Variants in NAALADL2 observed in about 807,000 individuals in gnomAD.
NAALADL2 encodes inactive N-acetylated-alpha-linked acidic dipeptidase-like protein 2.
In NAALADL2, 76 loss-of-function variants were observed where a neutral mutation model predicts 87.2. That is an observed-to-expected ratio of 0.87 (90% CI 0.72 to 1.05). The LOEUF is 1.05. Ranked by LOEUF, NAALADL2 falls within the 50% of genes least tolerant of loss-of-function variation. The pLI is 0.00. For synonymous variants in NAALADL2, 354 were observed against 331.0 expected (o/e 1.07, Z -0.75); for missense variants, 1,089 against 945.8 (o/e 1.15, Z -1.99).
chr3:175,703,099 T>C (rs1739205551), intron 11 of NAALADL2, among the ~76,000 whole-genome samples: 1 of 152,138 alleles, frequency 6.6e-6, no homozygotes, highest in Non-Finnish European at 1.5e-5. Context: ...AACATTCCAC[T>C]GGAGATCTCA....
intron 1 of NAALADL2, among the ~76,000 whole-genome samples, chr3:174,977,442 T>C (rs1579824926): frequency 6.6e-6 from 1 of 152,214 alleles, no homozygotes; most frequent in African/African-American, 2.4e-5. Context: ...GTAACCTTTT[T>C]AAAGTGACTT....
At chr3:175,150,611 A>G (rs1381247319) in intron 2 of NAALADL2, among the ~76,000 whole-genome samples, 1 of 152,154 alleles carries the variant, frequency 6.6e-6, no homozygotes, top group African/African-American at 2.4e-5. Flanking sequence ...AGCCTGCCTT[A>G]ATTTGCATTC....
intron 2 of NAALADL2, among the ~76,000 whole-genome samples, chr3:174,552,204 T>G (rs553798784): frequency 2.6e-5 from 4 of 152,278 alleles, no homozygotes; most frequent in Admixed American, 1.3e-4. Context: ...ATATAACGTA[T>G]ATAATCTTTC....
At chr3:175,459,283 G>A (rs1361453007) in intron 6 of NAALADL2, among the ~76,000 whole-genome samples, 3 of 151,942 alleles carry the variant, frequency 2.0e-5, no homozygotes, top group African/African-American at 7.3e-5. Flanking sequence ...GAAATAATAG[G>A]TATGGAAAAT....
chr3:174,628,757 A>C (rs1003380187), intron 2 of NAALADL2, among the ~76,000 whole-genome samples: 1 of 152,150 alleles, frequency 6.6e-6, no homozygotes, highest in Non-Finnish European at 1.5e-5. Flanking sequence ...ACAACTGTTA[A>C]TACTCGTATC....
At chr3:175,102,421 G>A (rs181134170) in intron 2 of NAALADL2, among the ~76,000 whole-genome samples, 23 of 152,222 alleles carry the variant, frequency 1.5e-4, no homozygotes, top group Admixed American at 5.9e-4. Context: ...AATTGACCAC[G>A]TGCATTTCAT....
intron 1 of NAALADL2, chr3:175,059,340 T>A (rs1389436941): frequency 6.6e-6 from 1 of 152,186 alleles, no homozygotes; most frequent in Non-Finnish European, 1.5e-5. Context: ...TTAAGTGCAA[T>A]GATCTGGGGT....
At chr3:174,882,873 G>T (rs553263846) in intron 1 of NAALADL2, among the ~76,000 whole-genome samples, 159 of 145,816 alleles carry the variant, frequency 1.1e-3, no homozygotes, top group African/African-American at 1.3e-3. Context: ...ATGTGTATAT[G>T]TGTATATGTG....
At chr3:175,736,653 A>T (rs2150080094) in intron 11 of NAALADL2, among the ~76,000 whole-genome samples, 1 of 152,256 alleles carries the variant, frequency 6.6e-6, no homozygotes, top group East Asian at 1.9e-4. Context: ...AATTGGCAAA[A>T]CTTCCTGATT....
intron 12 of NAALADL2, among the ~76,000 whole-genome samples, chr3:175,745,326 G>A (rs1230394103): frequency 6.6e-6 from 1 of 152,162 alleles, no homozygotes; most frequent in Admixed American, 6.5e-5. Flanking sequence ...TGTAAATAGT[G>A]ATGGATAAGA....
At chr3:175,268,533 ATAAAT>A (rs1423870676) in intron 4 of NAALADL2, among the ~76,000 whole-genome samples, 2 of 152,228 alleles carry the variant, frequency 1.3e-5, no homozygotes, top group East Asian at 1.9e-4. Flanking sequence ...CTTTTTAATA[ATAAAT>A]TAATCTTATG....
rs544087525 is a variant in NAALADL2 at position 174,608,299 on chromosome 3, T to C, written c.-115+57662T>C. On this transcript the variant is annotated intron_variant, in intron 2 of 3. Coordinates refer to the NAALADL2 transcript ENST00000434257. ...AAAGCATTCAGAAGCTAGCAGAAGG[T>C]AAGAAATAACTAAAATCAGAGCAGA... Among the ~76,000 whole-genome samples the C allele has an allele frequency of 2.1e-3, 321 of 151,706 alleles. 1 individual carries two copies. The highest frequency in any genetic ancestry group is 3.7e-3 in the Non-Finnish European group (252 of 67,882).
intron 5 of NAALADL2, among the ~76,000 whole-genome samples, chr3:175,398,989 C>T (rs190043253): frequency 2.6e-5 from 4 of 151,100 alleles, no homozygotes; most frequent in East Asian, 2.0e-4. Flanking sequence ...AGAGCATTCT[C>T]GAAAGTAAGA....
chr3:175,698,387 GTATACATATGTATGTGTATTTATGTA>G (rs1738366887), intron 11 of NAALADL2, among the ~76,000 whole-genome samples: 1 of 104,964 alleles, frequency 9.5e-6, no homozygotes, highest in Non-Finnish European at 1.9e-5. Flanking sequence ...ATTTATGTAT[GTATACATATGTATGTGTATTTATGTA>G]TGTATACATA....
chr3:175,787,624 T>C (rs1752237206), intron 13 of NAALADL2, among the ~76,000 whole-genome samples: 1 of 152,058 alleles, frequency 6.6e-6, no homozygotes, highest in Non-Finnish European at 1.5e-5. Flanking sequence ...CGCTCCCTAG[T>C]GAGATGAACC....
At chr3:175,678,931 C>G (rs149535732) in intron 11 of NAALADL2, among the ~76,000 whole-genome samples, 1 of 151,920 alleles carries the variant, frequency 6.6e-6, no homozygotes, top group South Asian at 2.1e-4. Context: ...TGGGTGCAGG[C>G]GGGCTGAGTC....
At position 174,962,381 on chromosome 3, in the gene NAALADL2, T is replaced by TATATATGTCATAGTCACTATGAC. The variant is rs1326687342; in HGVS notation, c.43+102937_43+102938insGTCATAGTCACTATGACATATAT. On this transcript the variant is annotated intron_variant, in intron 1 of 13. Coordinates refer to ENST00000454872, the MANE Select transcript of NAALADL2 (RefSeq NM_207015.3). ...TCATAGTGACTATGACATATATATATATATATATATATATGTCATAGTGAC... is the reference window on the plus strand; with the variant it reads ...TCATAGTGACTATGACATATATATATATATATGTCATAGTCACTATGACATATATATATATATGTCATAGTGAC... Among the ~76,000 whole-genome samples the TATATATGTCATAGTCACTATGAC allele has an allele frequency of 2.1e-3, 242 of 114,860 alleles. 8 individuals carry two copies. Among genetic ancestry groups the TATATATGTCATAGTCACTATGAC allele is most frequent in the African/African-American group, 0.011 (227 of 20,808 alleles). The allele number at this position is 114,860 out of a possible 152,430, so 75.4% of individuals were successfully genotyped here. A position where few individuals can be genotyped will look rare whatever the true frequency, so the allele number is the denominator to read the frequency against.
At chr3:174,832,208 C>T (rs9729903) in intron 3 of NAALADL2, among the ~76,000 whole-genome samples, 10 of 152,024 alleles carry the variant, frequency 6.6e-5, no homozygotes, top group African/African-American at 2.4e-4. Context: ...GTTAGGGTGT[C>T]AATTTTGGAT....
At chr3:174,843,656 A>T (rs1724267522) in intron 3 of NAALADL2, among the ~76,000 whole-genome samples, 1 of 152,126 alleles carries the variant, frequency 6.6e-6, no homozygotes, top group South Asian at 2.1e-4. Flanking sequence ...AATCCCAACA[A>T]CAATGTGTAA....
Sources: allele counts gnomAD v4.1 joint callset (sites outside exome capture counted in the v4.1 genomes callset), GRCh38; gene constraint gnomAD v4.1.1; transcripts MANE v1.5; gene names NCBI Gene and HGNC (gene_info 2026-07-23, HGNC 2026-07-21).